SRC: variants seen among roughly 807,000 people sequenced by gnomAD.
SRC encodes the protein SRC proto-oncogene, non-receptor tyrosine kinase.
A neutral mutation model predicts 62.9 loss-of-function variants in SRC; 13 were observed. That is an observed-to-expected ratio of 0.21 (90% confidence interval 0.13 to 0.33). The LOEUF is 0.33. Among genes scored for constraint, SRC ranks in the 10% least tolerant of loss-of-function variants. The pLI is 1.00. For missense variants in SRC, 457 were observed against 737.3 expected, an observed-to-expected ratio of 0.62 and a Z score of 4.40; for synonymous variants, 302 against 317.5, an observed-to-expected ratio of 0.95 and a Z score of 0.52.
intron 1 of SRC, among the ~76,000 whole-genome samples, chr20:37,363,144 C>T (rs542827723): frequency 2.3e-4 from 35 of 152,318 alleles, no homozygotes; most frequent in African/African-American, 7.5e-4. Flanking sequence ...CTGGAGATGA[C>T]GGTCCCTGAC....
Position 37,351,157 on chromosome 20 carries a change from T to C in SRC, c.-247+4902T>C, listed in dbSNP as rs1288486399. 6.6e-6 allele frequency among the ~76,000 whole-genome samples: 1 copy of C among 152,230 alleles called. No individual in the cohort carries two copies. Among genetic ancestry groups the C allele is most frequent in the Admixed American group, 6.5e-5 (1 of 15,286 alleles). On this transcript the variant is annotated intron_variant, in intron 1 of 13. Coordinates refer to ENST00000373578, the MANE Select transcript of SRC (RefSeq NM_198291.3). This position sits in a 1 kb window ranked among gnomAD's most constrained non-coding sequence, Gnocchi z 4.4. ...TCTCCCTACTCCTTGCTCTGGGTCC[T>C]TGGGCAAGTGACTTTCCCCCAACTT...
intron 5 of SRC, among the ~76,000 whole-genome samples, chr20:37,387,408 A>T (rs1184861204): frequency 7.9e-5 from 12 of 152,120 alleles, no homozygotes; most frequent in Non-Finnish European, 8.8e-5. Context: ...GTGATCGGGG[A>T]GGGGGCTGTC....
chr20:37,403,054 T>C lies in SRC; in HGVS notation c.1403-117T>C, dbSNP rs1380270301. On this transcript the variant is annotated intron_variant, in intron 13 of 13. Transcript: ENST00000373578. The surrounding 1 kb of genome is among the most constrained non-coding windows in gnomAD (Gnocchi z 7.1). ...CTCTCAGCTTCGGGGACAGGACTTATCTATGGTCACTCCCAACCTGTCCTA... is the reference window on the plus strand; with the variant it reads ...CTCTCAGCTTCGGGGACAGGACTTACCTATGGTCACTCCCAACCTGTCCTA... The C allele has an allele frequency of 1.9e-5, 25 of 1,311,308 alleles. No individual in the cohort carries two copies. The highest frequency in any genetic ancestry group is 2.5e-5 in the Admixed American group (1 of 39,216). 81.2% of individuals were successfully genotyped at this position (1,311,308 alleles called of 1,614,324 possible). A position where few individuals can be genotyped will look rare whatever the true frequency, so the allele number is the denominator to read the frequency against.
intron 2 of SRC, among the ~76,000 whole-genome samples, chr20:37,370,785 A>T (rs1417084654): frequency 6.6e-6 from 1 of 152,124 alleles, no homozygotes; most frequent in African/African-American, 2.4e-5. Context: ...TCGGGGTAAT[A>T]CCGGCTTCAG....
intron 3 of SRC, among the ~76,000 whole-genome samples, chr20:37,383,239 G>C (rs1219216741): frequency 6.6e-6 from 1 of 152,236 alleles, no homozygotes; most frequent in African/African-American, 2.4e-5. Context: ...GGGGACTTTT[G>C]AGTTGAGAAC....
At chr20:37,373,901 T>C (rs1364298860) in intron 2 of SRC, among the ~76,000 whole-genome samples, 1 of 152,206 alleles carries the variant, frequency 6.6e-6, no homozygotes, top group Non-Finnish European at 1.5e-5. Flanking sequence ...GTCTTTATAG[T>C]AAGGTTTACT....
chr20:37,349,516 T>C (rs1160940684), intron 1 of SRC, among the ~76,000 whole-genome samples: 3 of 152,238 alleles, frequency 2.0e-5, no homozygotes, highest in Non-Finnish European at 4.4e-5. Flanking sequence ...GTCATGAAAA[T>C]GGGGACAACA....
At chr20:37,350,146 T>TAAG (rs2069781619) in intron 1 of SRC, among the ~76,000 whole-genome samples, 2 of 152,178 alleles carry the variant, frequency 1.3e-5, no homozygotes, top group Admixed American at 1.3e-4. Context: ...TTCCCCTCCA[T>TAAG]GGCCCCCACC....
chr20:37,348,323 C>G (rs1220148490), intron 1 of SRC, among the ~76,000 whole-genome samples: 1 of 152,086 alleles, frequency 6.6e-6, no homozygotes, highest in African/African-American at 2.4e-5. Flanking sequence ...TCTGGCTCCC[C>G]CAAGCCCCAG....
At chr20:37,394,147 C>T (rs2070599231) in intron 6 of SRC, 27 bp from the exon 7 acceptor site, 1 of 1,600,084 alleles carries the variant, frequency 6.2e-7, no homozygotes, top group South Asian at 1.1e-5. Context: ...GGACAGTCAG[C>T]ACCATCCTCC....
chr20:37,382,136 G>A (rs995778258), intron 2 of SRC, among the ~76,000 whole-genome samples: 2 of 152,200 alleles, frequency 1.3e-5, no homozygotes, highest in Admixed American at 6.5e-5. Context: ...ATTCTGGACC[G>A]ATTCCCAGGC....
At chr20:37,366,305 A>G (rs1053568903) in intron 2 of SRC, among the ~76,000 whole-genome samples, 2 of 152,182 alleles carry the variant, frequency 1.3e-5, no homozygotes, top group Non-Finnish European at 1.5e-5. Flanking sequence ...CAATTTGCCA[A>G]TCTGATAGGT....
intron 1 of SRC, among the ~76,000 whole-genome samples, chr20:37,349,364 G>C (rs1266823615): frequency 6.6e-6 from 1 of 152,182 alleles, no homozygotes; most frequent in Non-Finnish European, 1.5e-5. Context: ...TAGGGAGCAG[G>C]GAGGGGTCAG....
intron 5 of SRC, among the ~76,000 whole-genome samples, chr20:37,387,001 T>C (rs2070465818): frequency 6.6e-6 from 1 of 152,198 alleles, no homozygotes; most frequent in Non-Finnish European, 1.5e-5. Context: ...AGTGAAGTTA[T>C]CTGGCAGGTG....
chr20:37,384,138 C>T lies in SRC; in HGVS notation c.-4-12C>T. The T allele has an allele frequency of 6.3e-7, 1 of 1,599,458 alleles. No individual in the cohort carries two copies. The highest frequency in any genetic ancestry group is 2.3e-5 in the East Asian group (1 of 43,680). On this transcript the variant is annotated splice_polypyrimidine_tract_variant and intron_variant, in intron 3 of 13. Coordinates refer to ENST00000373578, the MANE Select transcript of SRC (RefSeq NM_198291.3). This position sits in a 1 kb window ranked among gnomAD's most constrained non-coding sequence, Gnocchi z 6.7. ...CCCTGCCTGTTCCAGTGTCTTCTCT[C>T]TCTCCTGCCAGGACCATGGGTAGCA...
chr20:37,378,083 AT>A (rs1367301036), intron 2 of SRC, among the ~76,000 whole-genome samples: 2 of 138,800 alleles, frequency 1.4e-5, no homozygotes, highest in East Asian at 2.1e-4. Context: ...TTTTATTTTT[AT>A]TTTTTTTGAG....
chr20:37,395,386 C>G (rs2070627835), intron 7 of SRC, among the ~76,000 whole-genome samples: 1 of 152,264 alleles, frequency 6.6e-6, no homozygotes, highest in South Asian at 2.1e-4. Flanking sequence ...GCTGCTGGAG[C>G]CTCTGCCCCT....
intron 1 of SRC, among the ~76,000 whole-genome samples, chr20:37,359,276 T>C (rs553604219): frequency 6.6e-6 from 1 of 152,378 alleles, no homozygotes; most frequent in East Asian, 1.9e-4. Flanking sequence ...TGCTCAACAA[T>C]GTTCTAGAGC....
At chr20:37,358,361 G>T (rs1162573533) in intron 1 of SRC, among the ~76,000 whole-genome samples, 2 of 152,182 alleles carry the variant, frequency 1.3e-5, no homozygotes, top group Non-Finnish European at 2.9e-5. Flanking sequence ...CCCCTTTCAG[G>T]TAACTCAGCA....
Sources: allele counts gnomAD v4.1 joint callset (sites outside exome capture counted in the v4.1 genomes callset), GRCh38; gene constraint gnomAD v4.1.1; non-coding constraint Gnocchi (gnomAD v3.1); transcripts MANE v1.5; gene names NCBI Gene and HGNC (gene_info 2026-07-23, HGNC 2026-07-21).